Variants in IPO8 observed in about 807,000 individuals in gnomAD.
IPO8 encodes importin 8.
IPO8 carries 65 observed loss-of-function variants against 141.2 expected under a neutral mutation model. The ratio of observed to expected loss-of-function variants is 0.46; its 90% CI spans 0.38 to 0.57. The LOEUF is 0.57. IPO8 is among the 20% of genes least tolerant of loss of function. IPO8 has a pLI of 0.00. For missense variants in IPO8, 980 were observed against 1,246.8 expected (o/e 0.79, Z 3.22); for synonymous variants, 411 against 420.3 (o/e 0.98, Z 0.27).
At chr12:30,680,016 A>G (rs915540516) in intron 5 of IPO8, among the ~76,000 whole-genome samples, 2 of 152,102 alleles carry the variant, frequency 1.3e-5, no homozygotes, top group Admixed American at 1.3e-4. Flanking sequence ...ATTTTAAACC[A>G]AGGAAAATGA....
At chr12:30,689,566 T>C (rs1164641986) in intron 2 of IPO8, among the ~76,000 whole-genome samples, 2 of 152,192 alleles carry the variant, frequency 1.3e-5, no homozygotes, top group Non-Finnish European at 2.9e-5. Context: ...TTATAAATCT[T>C]CCCAAAGCTT....
At chr12:30,674,629 T>C (rs2053094241) in intron 7 of IPO8, 30 bp downstream of exon 7, 5 of 1,451,104 alleles carry the variant, frequency 3.4e-6, no homozygotes, top group Admixed American at 3.3e-5. Flanking sequence ...ACTGGCTGTA[T>C]GATCATCAAT....
chr12:30,643,642 A>C (rs1020938376), intron 20 of IPO8, among the ~76,000 whole-genome samples: 7 of 152,218 alleles, frequency 4.6e-5, no homozygotes, highest in African/African-American at 1.7e-4. Context: ...GCGACTTCTC[A>C]CTATCATTCT....
chr12:30,691,299 G>A (rs750237813), intron 1 of IPO8, among the ~76,000 whole-genome samples: 12 of 152,196 alleles, frequency 7.9e-5, no homozygotes, highest in African/African-American at 1.2e-4. Flanking sequence ...TGTGACTCAC[G>A]AGATGGGGTT....
intron 1 of IPO8, chr12:30,694,943 T>C (rs2053323151): frequency 2.2e-6 from 1 of 455,506 alleles, no homozygotes; most frequent in African/African-American, 2.0e-5. Flanking sequence ...TTACACATTT[T>C]AGCATTCATA....
intron 5 of IPO8, among the ~76,000 whole-genome samples, chr12:30,678,618 A>G (rs920686089): frequency 1.3e-5 from 2 of 152,192 alleles, no homozygotes; most frequent in African/African-American, 2.4e-5. Flanking sequence ...ATGACTGTAC[A>G]TGTACAAAGG....
intron 2 of IPO8, among the ~76,000 whole-genome samples, chr12:30,685,126 T>C (rs944216610): frequency 6.6e-6 from 1 of 151,996 alleles, no homozygotes; most frequent in African/African-American, 2.4e-5. Flanking sequence ...TAAGAAAGAA[T>C]GTGAAGCTTT....
rs190244536 is a variant in IPO8, at chr12:30,629,938, C to A, written c.*922G>T. On this transcript the variant is annotated 3_prime_UTR_variant, in exon 25 of 25. Coordinates refer to ENST00000256079, the MANE Select transcript of IPO8 (RefSeq NM_006390.4). ...AGTTATTTAAAATACAAGTCCCCAT[C>A]CAGAAAGACAGTGTGCTTACGTAGC... The A allele has an allele frequency of 5.9e-5, 9 of 152,330 alleles. No individual in the cohort carries two copies. In the East Asian group the frequency reaches 1.7e-3, roughly 29 times the overall value. The allele number at this position is 152,330 out of a possible 1,614,324, so 9.4% of individuals were successfully genotyped here. A position where few individuals can be genotyped will look rare whatever the true frequency, so the allele number is the denominator to read the frequency against.
At chr12:30,673,202 T>G (rs2053075109) in intron 8 of IPO8, among the ~76,000 whole-genome samples, 1 of 152,052 alleles carries the variant, frequency 6.6e-6, no homozygotes, top group Non-Finnish European at 1.5e-5. Context: ...GAGGTTGCAG[T>G]GAGCCGAGAT....
chr12:30,644,750 TC>T (rs1388837163), intron 20 of IPO8, among the ~76,000 whole-genome samples: 1 of 151,844 alleles, frequency 6.6e-6, no homozygotes, highest in African/African-American at 2.4e-5. Flanking sequence ...GCCTCTGGGT[TC>T]AAGTGATTCT....
intron 11 of IPO8, 25 bp from the exon 12 acceptor site, chr12:30,665,870 A>G (rs1351195800): frequency 2.1e-6 from 3 of 1,456,730 alleles, no homozygotes; most frequent in African/African-American, 2.8e-5. Flanking sequence ...GAATCCATTT[A>G]GTCTACATGA....
Position 30,649,172 on chromosome 12 carries a change from T to C in IPO8, c.2233A>G (p.Ile745Val), listed in dbSNP as rs764943328. The change falls in exon 20 of 25, where the codon ATC becomes GTC. Residue 745 changes from isoleucine (I) to valine (V), a missense_variant. By Grantham distance (29) the Ile-to-Val change is conservative (BLOSUM62 3). Around this residue, in one of 3 missense-constraint regions of IPO8, gnomAD observed 924 missense variants for 1,153.9 expected, o/e 0.80. Coordinates refer to ENST00000256079, the MANE Select transcript of IPO8 (RefSeq NM_006390.4). ...ECHAAKLLEV[I>V]ILQCKGRGID... ...CCCCTTCCTTTGCACTGAAGAATGA[T>C]GACTTCCAGAAGTTTAGCTGCATGA... 2.5e-6 allele frequency: 4 copies of C among 1,613,426 alleles called. No individual in the cohort carries two copies. The South Asian group carries it at 4.4e-5, about 18-fold the overall frequency.
chr12:30,647,851 A>G (rs1440171453), intron 20 of IPO8, among the ~76,000 whole-genome samples: 1 of 152,164 alleles, frequency 6.6e-6, no homozygotes, highest in Non-Finnish European at 1.5e-5. Flanking sequence ...TCTCCAAAAA[A>G]AGATATACAA....
rs142773009 is a variant in IPO8, at chr12:30,631,250, A to G, written c.3017-293T>C. ...TGCTGAAAGGGGGCCCAGACTTCTCATATCAGGAAGGCTGACTGAGAATCT... is the reference window on the plus strand; with the variant it reads ...TGCTGAAAGGGGGCCCAGACTTCTCGTATCAGGAAGGCTGACTGAGAATCT... On this transcript the variant is annotated intron_variant, in intron 24 of 24. Coordinates refer to ENST00000256079, the MANE Select transcript of IPO8 (RefSeq NM_006390.4). Among the ~76,000 whole-genome samples, 4 of 152,326 alleles carry G rather than the reference A, an allele frequency of 2.6e-5. No individual in the cohort carries two copies. The East Asian group carries it at 5.8e-4, about 22-fold the overall frequency.
intron 16 of IPO8, among the ~76,000 whole-genome samples, chr12:30,658,606 C>G (rs374556652): frequency 2.6e-5 from 4 of 151,982 alleles, no homozygotes; most frequent in African/African-American, 9.7e-5. Flanking sequence ...TTAAACTACC[C>G]CTGCAGCTCA....
chr12:30,669,147 C>A (rs769247667), intron 10 of IPO8, 36 bp downstream of exon 10: 3 of 893,446 alleles, frequency 3.4e-6, no homozygotes, highest in Non-Finnish European at 3.5e-6. Flanking sequence ...CTTTACATAT[C>A]CAGGAACTGA....
chr12:30,657,156 G>A (rs1282742113), intron 16 of IPO8, among the ~76,000 whole-genome samples: 1 of 152,030 alleles, frequency 6.6e-6, no homozygotes, highest in Non-Finnish European at 1.5e-5. Flanking sequence ...AATTTTGCAT[G>A]GGGCATGGGG....
rs1400004014 is a variant in IPO8 at position 30,629,007 on chromosome 12, T to C, written c.*1853A>G. ...TCAGAATCCTGGGAATCAGTCCGCA[T>C]TTTATTTTATAGTACATTCATATAA... On this transcript the variant is annotated 3_prime_UTR_variant, in exon 25 of 25. Coordinates refer to ENST00000256079, the MANE Select transcript of IPO8 (RefSeq NM_006390.4). 1.3e-5 allele frequency: 2 copies of C among 152,250 alleles called. No homozygotes were observed. Among genetic ancestry groups the C allele is most frequent in the Non-Finnish European group, 2.9e-5 (2 of 68,060 alleles). The allele number at this position is 152,250 out of a possible 1,614,324, so 9.4% of individuals were successfully genotyped here.
rs779454409 is a variant in IPO8, at chr12:30,669,293, A to G, written c.1045-11T>C. The G allele has an allele frequency of 4.0e-6, 4 of 1,007,610 alleles. No individual in the cohort carries two copies. Among genetic ancestry groups the G allele is most frequent in the African/African-American group, 3.3e-5 (2 of 61,046 alleles). 62.4% of individuals were successfully genotyped at this position (1,007,610 alleles called of 1,614,324 possible). A position where few individuals can be genotyped will look rare whatever the true frequency, so the allele number is the denominator to read the frequency against. ...ATCTTCAGAGATATTCTAAAATGAG[A>G]AAAAAAAAAAAACGTAACAAATGGG... On this transcript the variant is annotated splice_polypyrimidine_tract_variant and intron_variant, in intron 9 of 24. Transcript: ENST00000256079.
Sources: allele counts gnomAD v4.1 joint callset (sites outside exome capture counted in the v4.1 genomes callset), GRCh38; gene constraint gnomAD v4.1.1; regional missense constraint gnomAD v4.1.1; transcripts MANE v1.5; gene names NCBI Gene and HGNC (gene_info 2026-07-23, HGNC 2026-07-21).